Variants in ABCB7 observed in about 807,000 individuals in gnomAD.
ABCB7 encodes iron-sulfur clusters transporter ABCB7, mitochondrial.
In ABCB7, 7 loss-of-function variants were observed where a neutral mutation model predicts 54.4. The ratio of observed to expected loss-of-function variants is 0.13; its 90% confidence interval spans 0.07 to 0.24. ABCB7 has a LOEUF of 0.24. Among genes scored for constraint, ABCB7 ranks in the 10% least tolerant of loss-of-function variants. ABCB7 has a pLI of 1.00. For missense variants in ABCB7, 356 were observed against 570.4 expected (o/e 0.62, Z 3.83); for synonymous variants, 218 against 207.1 (o/e 1.05, Z -0.45).
intron 4 of ABCB7, among the ~76,000 whole-genome samples, chrX:75,079,057 A>G (rs1383814919): frequency 8.9e-6 from 1 of 111,749 alleles, no homozygotes; most frequent in African/African-American, 3.3e-5. Flanking sequence ...GACGCCTAAA[A>G]CTAATGTATC....
intron 1 of ABCB7, among the ~76,000 whole-genome samples, chrX:75,148,179 A>G (rs1217044770): frequency 2.7e-5 from 3 of 111,974 alleles, no homozygotes; most frequent in Non-Finnish European, 5.6e-5. Flanking sequence ...AAAATGCATT[A>G]CTACTAGCAG....
chrX:75,082,676 T>C (rs1455136942), intron 4 of ABCB7, among the ~76,000 whole-genome samples: 20 of 111,567 alleles, frequency 1.8e-4, no homozygotes, highest in African/African-American at 3.9e-4. Flanking sequence ...TATGAAACAA[T>C]TGTAAATATA....
chrX:75,121,493 T>C (rs1473685066), intron 1 of ABCB7, among the ~76,000 whole-genome samples: 1 of 111,137 alleles, frequency 9.0e-6, no homozygotes, highest in Non-Finnish European at 1.9e-5. Flanking sequence ...TGTTTTAGAG[T>C]GTTTTCTGCA....
chrX:75,071,957 T>C (rs1261734068), intron 8 of ABCB7, among the ~76,000 whole-genome samples: 1 of 111,358 alleles, frequency 9.0e-6, no homozygotes, highest in African/African-American at 3.3e-5. Context: ...TGACACTTCC[T>C]TCACAAAGCC....
Position 75,073,899 on chromosome X carries a change from T to C in ABCB7, c.913A>G (p.Thr305Ala), listed in dbSNP as rs748401796. 4.1e-6 allele frequency: 5 copies of C among 1,210,859 alleles called. No homozygotes were observed. The highest frequency in any genetic ancestry group is 5.6e-6 in the Non-Finnish European group (5 of 894,504). Residue 305 changes from threonine to alanine, a missense_variant, in exon 7 of 16, where the codon ACA becomes GCA. Around this residue, in one of 2 missense-constraint regions of ABCB7, gnomAD observed 241 missense variants for 470.9 expected, o/e 0.51. Transcript: ENST00000373394. Reference protein sequence around the residue: ...LVTLGTLGTYTAFTVAVTRWR... With the variant: ...LVTLGTLGTYAAFTVAVTRWR... ...CGTGTGACTGCAACTGTGAATGCTG[T>C]GTATGTACCAAGTGTTCCAAGGGTT...
At chrX:75,071,996 CCA>C (rs1381862910) in intron 8 of ABCB7, among the ~76,000 whole-genome samples, 1 of 111,225 alleles carries the variant, frequency 9.0e-6, no homozygotes, top group African/African-American at 3.3e-5. Context: ...TTGACAATTC[CCA>C]CTACCCTCAC....
At chrX:75,148,346 A>AT (rs199505985) in intron 1 of ABCB7, among the ~76,000 whole-genome samples, 2 of 109,823 alleles carry the variant, frequency 1.8e-5, no homozygotes, top group African/African-American at 6.7e-5. Flanking sequence ...AGCAAATTAA[A>AT]TTTTTTTTGT....
At chrX:75,058,448 C>G (rs1422042961) in intron 15 of ABCB7, among the ~76,000 whole-genome samples, 2 of 111,762 alleles carry the variant, frequency 1.8e-5, no homozygotes, top group Admixed American at 1.9e-4. Flanking sequence ...CCATGTTTAA[C>G]TAGAAGTTCC....
Position 75,069,388 on chromosome X carries a change from G to A in ABCB7, c.1432C>T (p.His478Tyr), listed in dbSNP as rs770859925. Reference protein sequence around the residue: ...QTATVAFDNVHFEYIEGQKVL... With the variant: ...QTATVAFDNVYFEYIEGQKVL... ...TTCTGGCCCTCAATGTATTCAAAAT[G>A]CACATTATCAAAGGCCACGGTAGCT... is the stretch of plus-strand genomic sequence containing the variant. The change falls in exon 11 of 16, where the codon CAT (histidine) becomes TAT (tyrosine). Residue 478 changes from histidine (H) to tyrosine (Y), a missense_variant. His to Tyr is a moderately conservative substitution (Grantham distance 83, BLOSUM62 2). Around this residue, in one of 2 missense-constraint regions of ABCB7, gnomAD observed 241 missense variants for 470.9 expected, o/e 0.51. Coordinates refer to ENST00000373394, the MANE Select transcript of ABCB7 (RefSeq NM_001271696.3). 3 of 1,207,740 alleles carry A rather than the reference G, an allele frequency of 2.5e-6. No homozygotes were observed. In the South Asian group the frequency reaches 5.3e-5, roughly 21 times the overall value.
At chrX:75,141,019 G>A (rs781510369) in intron 1 of ABCB7, among the ~76,000 whole-genome samples, 1 of 111,596 alleles carries the variant, frequency 9.0e-6, no homozygotes, top group East Asian at 2.8e-4. Flanking sequence ...TCATGTCTTC[G>A]GGATGAAAGT....
chrX:75,094,019 C>CATAT lies in ABCB7; in HGVS notation c.453+4919_453+4922dup, dbSNP rs199523853. Among the ~76,000 whole-genome samples the CATAT allele has an allele frequency of 0.031, 1,398 of 45,474 alleles. 66 individuals carry two copies. The East Asian group carries it at 0.33, about 11-fold the overall frequency. The allele number at this position is 45,474 out of a possible 115,157, so 39.5% of individuals were successfully genotyped here. On this transcript the variant is annotated intron_variant, in intron 4 of 15. Coordinates refer to ENST00000373394, the MANE Select transcript of ABCB7 (RefSeq NM_001271696.3). ...TCCTTTTGGATGTTTCTGTTATATA[C>CATAT]ATATATATATATATATATATATATA...
intron 1 of ABCB7, among the ~76,000 whole-genome samples, chrX:75,148,131 A>G (rs1425090685): frequency 8.9e-6 from 1 of 111,769 alleles, no homozygotes; most frequent in African/African-American, 3.3e-5. Context: ...AATAAAAAAT[A>G]AAAAATAAAC....
Position 75,156,218 on chromosome X carries a change from C to G in ABCB7, c.55G>C (p.Glu19Gln). 1 of 1,204,536 alleles carries G rather than the reference C, an allele frequency of 8.3e-7. No individual in the cohort carries two copies. The highest frequency in any genetic ancestry group is 1.1e-6 in the Non-Finnish European group (1 of 892,096). The change falls in exon 1 of 16, where the codon GAA becomes CAA. Residue 19 changes from glutamate to glutamine, a missense_variant. Around this residue, in one of 2 missense-constraint regions of ABCB7, gnomAD observed 115 missense variants for 99.5 expected, o/e 1.16. Coordinates refer to ENST00000373394, the MANE Select transcript of ABCB7 (RefSeq NM_001271696.3). The stretch of plus-strand genomic sequence containing the variant: ...AGAATCGCGGAGTGCCGGCGCTTTT[C>G]GAAAGCAGCCGCCGCGGCCGCCCAG... ...WRWAAAAAAF[E>Q]KRRHSAILIR... is the part of the protein sequence containing the mutation.
intron 4 of ABCB7, among the ~76,000 whole-genome samples, chrX:75,086,869 C>T (rs2081502172): frequency 9.0e-6 from 1 of 111,670 alleles, no homozygotes; most frequent in African/African-American, 3.3e-5. Context: ...ACGAAAACAA[C>T]CTCTAGTTGC....
chrX:75,143,731 G>A (rs1176828092), intron 1 of ABCB7, among the ~76,000 whole-genome samples: 1 of 111,068 alleles, frequency 9.0e-6, no homozygotes, highest in Non-Finnish European at 1.9e-5. Flanking sequence ...GGTAGGCAAA[G>A]AGAGCTTGTG....
intron 1 of ABCB7, among the ~76,000 whole-genome samples, chrX:75,118,513 G>A (rs2071426367): frequency 2.7e-5 from 3 of 109,588 alleles, no homozygotes; most frequent in Admixed American, 2.0e-4. Context: ...CACAGATCCC[G>A]TTTTGGAATA....
intron 4 of ABCB7, among the ~76,000 whole-genome samples, chrX:75,081,049 A>C (rs1336441086): frequency 9.0e-6 from 1 of 111,722 alleles, no homozygotes; most frequent in Non-Finnish European, 1.9e-5. Flanking sequence ...ACCCACAGTA[A>C]TGAGGCAGCA....
At chrX:75,095,051 C>A (rs1480236285) in intron 4 of ABCB7, among the ~76,000 whole-genome samples, 1 of 110,297 alleles carries the variant, frequency 9.1e-6, no homozygotes, top group Non-Finnish European at 1.9e-5. Flanking sequence ...AGCCTTAAGA[C>A]CCTCAGAATC....
chrX:75,089,420 A>G (rs188072420), intron 4 of ABCB7, among the ~76,000 whole-genome samples: 73 of 111,250 alleles, frequency 6.6e-4, no homozygotes, highest in African/African-American at 2.3e-3. Flanking sequence ...TGATAGGGGG[A>G]ATGAATTGGG....
Sources: allele counts gnomAD v4.1 joint callset (sites outside exome capture counted in the v4.1 genomes callset), GRCh38; gene constraint gnomAD v4.1.1; regional missense constraint gnomAD v4.1.1; transcripts MANE v1.5; gene names NCBI Gene and HGNC (gene_info 2026-07-23, HGNC 2026-07-21).